The following SAMTOR variants were observed in gnomAD, a reference collection of about 807,000 sequenced individuals.
SAMTOR encodes the protein S-adenosylmethionine sensor upstream of mTORC1.
At chr7:112,922,248 T>C in the SAMTOR span, among the ~76,000 whole-genome samples, 2 of 152,218 alleles carry the variant, frequency 1.3e-5, no homozygotes, top group South Asian at 4.1e-4. Flanking sequence ...GGAGTCTCAT[T>C]CACTCAGTGC....
the SAMTOR span, among the ~76,000 whole-genome samples, chr7:112,913,906 C>T: frequency 6.6e-6 from 1 of 152,196 alleles, no homozygotes; most frequent in Non-Finnish European, 1.5e-5. Flanking sequence ...GTGCTCACCA[C>T]TGTCTGCACT....
chr7:112,929,637 T>C, the SAMTOR span, among the ~76,000 whole-genome samples: 1 of 152,028 alleles, frequency 6.6e-6, no homozygotes, highest in African/African-American at 2.4e-5. Flanking sequence ...AATCCTATAA[T>C]CATTGCAGCA....
chr7:112,841,522 T>C, the SAMTOR span, among the ~76,000 whole-genome samples: 1 of 152,146 alleles, frequency 6.6e-6, no homozygotes, highest in Non-Finnish European at 1.5e-5. Context: ...ATAGATTTAA[T>C]GCTATCCCCA....
the SAMTOR span, among the ~76,000 whole-genome samples, chr7:112,928,125 A>G: frequency 9.9e-5 from 15 of 152,042 alleles, no homozygotes; most frequent in African/African-American, 3.4e-4. Flanking sequence ...CATTATTACA[A>G]TGCAACTGCC....
the SAMTOR span, among the ~76,000 whole-genome samples, chr7:112,858,382 A>G: frequency 3.3e-5 from 5 of 151,850 alleles, no homozygotes; most frequent in Non-Finnish European, 7.4e-5. Context: ...CCCTGACAGT[A>G]AAAACAGAAT....
At chr7:112,838,692 C>T in the SAMTOR span, among the ~76,000 whole-genome samples, 1 of 151,542 alleles carries the variant, frequency 6.6e-6, no homozygotes, top group African/African-American at 2.4e-5. Flanking sequence ...AATTCAATAC[C>T]ATTTGAGCAT....
At chr7:112,855,536 C>G in the SAMTOR span, among the ~76,000 whole-genome samples, 1 of 152,130 alleles carries the variant, frequency 6.6e-6, no homozygotes, top group Admixed American at 6.6e-5. Context: ...GGATGTAGGA[C>G]TGAGGTCCCT....
At chr7:112,883,227 A>T in the SAMTOR span, among the ~76,000 whole-genome samples, 1 of 152,084 alleles carries the variant, frequency 6.6e-6, no homozygotes, top group African/African-American at 2.4e-5. Context: ...CCTTTTTTCC[A>T]GTTAACAATC....
the SAMTOR span, among the ~76,000 whole-genome samples, chr7:112,862,285 T>A: frequency 2.0e-5 from 3 of 152,242 alleles, no homozygotes; most frequent in African/African-American, 7.2e-5. Context: ...ATGGAAAACA[T>A]GGAAGAGATC....
At chr7:112,866,738 C>T in the SAMTOR span, among the ~76,000 whole-genome samples, 2 of 152,212 alleles carry the variant, frequency 1.3e-5, no homozygotes, top group African/African-American at 4.8e-5. Context: ...AAAGACTCAA[C>T]CTCCATTCTC....
At chr7:112,905,444 A>G in the SAMTOR span, among the ~76,000 whole-genome samples, 2 of 152,218 alleles carry the variant, frequency 1.3e-5, no homozygotes, top group Admixed American at 1.3e-4. Context: ...ACATTTTTCC[A>G]AATTCATTTT....
the SAMTOR span, among the ~76,000 whole-genome samples, chr7:112,858,589 G>T: frequency 2.0e-5 from 3 of 152,016 alleles, no homozygotes; most frequent in Non-Finnish European, 2.9e-5. Flanking sequence ...AGTTAGCAAA[G>T]ATAAATTTTT....
chr7:112,934,787 C>T, the SAMTOR span, among the ~76,000 whole-genome samples: 1 of 152,144 alleles, frequency 6.6e-6, no homozygotes, highest in Non-Finnish European at 1.5e-5. Flanking sequence ...TTCCATTAAA[C>T]AATCAAGGAA....
At chr7:112,827,144 G>T in the SAMTOR span, among the ~76,000 whole-genome samples, 1 of 151,926 alleles carries the variant, frequency 6.6e-6, no homozygotes, top group African/African-American at 2.4e-5. Context: ...CCATCTTATT[G>T]CTTTCACTCT....
the SAMTOR span, among the ~76,000 whole-genome samples, chr7:112,899,508 G>A: frequency 3.3e-5 from 5 of 152,048 alleles, no homozygotes; most frequent in South Asian, 2.1e-4. Flanking sequence ...GGGGTAGAAC[G>A]TTTATTCAAA....
At chr7:112,883,374 T>C in the SAMTOR span, among the ~76,000 whole-genome samples, 13 of 152,190 alleles carry the variant, frequency 8.5e-5, no homozygotes, top group Non-Finnish European at 1.9e-4. Flanking sequence ...CTTCAATAAC[T>C]ACATATATCA....
chr7:112,854,490 T>C, the SAMTOR span, among the ~76,000 whole-genome samples: 1 of 152,274 alleles, frequency 6.6e-6, no homozygotes, highest in Non-Finnish European at 1.5e-5. Context: ...GAACCAGATA[T>C]TGGCTCATAG....
At chr7:112,911,948 GAAAC>G in the SAMTOR span, among the ~76,000 whole-genome samples, 28 of 151,602 alleles carry the variant, frequency 1.8e-4, no homozygotes, top group Middle Eastern at 6.8e-3. Flanking sequence ...TCAATGTTAT[GAAAC>G]AAACAAACAA....
At chr7:112,837,324 G>C in the SAMTOR span, among the ~76,000 whole-genome samples, 2 of 151,902 alleles carry the variant, frequency 1.3e-5, no homozygotes, top group African/African-American at 4.8e-5. Flanking sequence ...CATCAGATCT[G>C]GGAGCTTTTA....
Sources: gnomAD v4.1 joint callset for allele counts (sites outside exome capture counted in the v4.1 genomes callset) on GRCh38, gnomAD v4.1.1 for gene constraint, MANE v1.5 for transcripts, NCBI Gene and HGNC (gene_info 2026-07-23, HGNC 2026-07-21) for gene names.